Variants in SOX5 observed in about 807,000 individuals in gnomAD.
SOX5 encodes transcription factor SOX-5.
SOX5 carries 9 observed loss-of-function variants against 92.0 expected under a neutral mutation model. That is an observed-to-expected ratio of 0.10 (90% confidence interval 0.06 to 0.17). SOX5 has a LOEUF of 0.17. Among genes scored for constraint, SOX5 ranks in the 10% least tolerant of loss-of-function variants. The pLI is 1.00. For missense variants in SOX5, 642 were observed against 944.5 expected (o/e 0.68, Z 4.20); for synonymous variants, 344 against 336.3 (o/e 1.02, Z -0.25).
At chr12:23,895,746 A>G (rs376434065) in intron 2 of SOX5, 47 bp downstream of exon 2, 5 of 1,325,862 alleles carry the variant, frequency 3.8e-6, no homozygotes, top group Non-Finnish European at 5.4e-6. Context: ...AGAGGAGTAG[A>G]CTGGTCAAAA....
intron 1 of SOX5, among the ~76,000 whole-genome samples, chr12:24,496,624 A>T (rs1947665426): frequency 6.6e-6 from 1 of 152,198 alleles, no homozygotes; most frequent in Non-Finnish European, 1.5e-5. Context: ...TGGCTGGTTA[A>T]AATGTTCAGA....
chr12:24,559,234 G>T (rs1401998171), intron 1 of SOX5, among the ~76,000 whole-genome samples: 2 of 152,100 alleles, frequency 1.3e-5, no homozygotes, highest in African/African-American at 4.8e-5. Flanking sequence ...TTTGACTTCA[G>T]GCCTAGACAA....
At chr12:24,471,374 C>A (rs1480826776) in intron 1 of SOX5, among the ~76,000 whole-genome samples, 1 of 152,144 alleles carries the variant, frequency 6.6e-6, no homozygotes, top group African/African-American at 2.4e-5. Flanking sequence ...CATGTTAACA[C>A]ATGCTATTAG....
At chr12:23,677,468 T>TA (rs2139717192) in intron 6 of SOX5, among the ~76,000 whole-genome samples, 1 of 152,282 alleles carries the variant, frequency 6.6e-6, no homozygotes, top group Non-Finnish European at 1.5e-5. Context: ...CTACCTCAGT[T>TA]ACCAGGACAA....
chr12:24,077,941 T>C (rs1457608171), intron 4 of SOX5, among the ~76,000 whole-genome samples: 1 of 151,222 alleles, frequency 6.6e-6, no homozygotes, highest in Non-Finnish European at 1.5e-5. Context: ...TTTGGAAATA[T>C]TTAAATAATG....
intron 1 of SOX5, among the ~76,000 whole-genome samples, chr12:24,513,659 T>C (rs1949522150): frequency 6.6e-6 from 1 of 152,248 alleles, no homozygotes; most frequent in African/African-American, 2.4e-5. Context: ...ACTTTAATTA[T>C]AGTCTTCAGG....
At chr12:23,801,118 T>C (rs2142152832) in intron 3 of SOX5, among the ~76,000 whole-genome samples, 1 of 152,326 alleles carries the variant, frequency 6.6e-6, no homozygotes, top group African/African-American at 2.4e-5. Flanking sequence ...GTTACTTGTC[T>C]GTCCCTTGGC....
At chr12:23,743,173 A>G (rs1037168069) in intron 4 of SOX5, among the ~76,000 whole-genome samples, 1 of 152,184 alleles carries the variant, frequency 6.6e-6, no homozygotes, top group African/African-American at 2.4e-5. Flanking sequence ...GCAGTTGGAG[A>G]GAAATGAAAC....
chr12:24,017,361 G>A (rs1055187261), intron 4 of SOX5, among the ~76,000 whole-genome samples: 1 of 152,118 alleles, frequency 6.6e-6, no homozygotes, highest in African/African-American at 2.4e-5. Context: ...CACTTTGGGA[G>A]GCTGAAGTAG....
chr12:23,899,123 C>T (rs1282912804), intron 1 of SOX5, among the ~76,000 whole-genome samples: 3 of 152,068 alleles, frequency 2.0e-5, no homozygotes, highest in Non-Finnish European at 2.9e-5. Context: ...TAAGAAGGCA[C>T]CACAGGCCGG....
chr12:23,867,256 C>T (rs1015227467), intron 2 of SOX5, among the ~76,000 whole-genome samples: 5 of 152,082 alleles, frequency 3.3e-5, no homozygotes, highest in Non-Finnish European at 7.4e-5. Context: ...TAAATATCTC[C>T]TATGTCAAAC....
chr12:24,422,644 A>G (rs1037283323), intron 1 of SOX5, among the ~76,000 whole-genome samples: 2 of 152,236 alleles, frequency 1.3e-5, no homozygotes, highest in African/African-American at 4.8e-5. Context: ...ACAGAGATCT[A>G]ATGAAAGTTA....
chr12:24,198,837 G>A (rs1311399386), intron 4 of SOX5, among the ~76,000 whole-genome samples: 1 of 152,144 alleles, frequency 6.6e-6, no homozygotes, highest in Non-Finnish European at 1.5e-5. Flanking sequence ...CAAATGTAGA[G>A]TATTCAGAGG....
At chr12:24,553,494 C>T (rs1328896903) in intron 1 of SOX5, among the ~76,000 whole-genome samples, 7 of 152,190 alleles carry the variant, frequency 4.6e-5, no homozygotes, top group African/African-American at 1.2e-4. Flanking sequence ...AAACTATGCT[C>T]ACTCAGCAAT....
chr12:23,540,361 TATAATA>T (rs5797023), intron 13 of SOX5, among the ~76,000 whole-genome samples: 4,059 of 142,748 alleles, frequency 0.028, 133 homozygotes, highest in African/African-American at 0.081. Context: ...AAACTTAAAG[TATAATA>T]ATAATAATAA....
At chr12:23,833,273 G>C (rs1735143730) in intron 3 of SOX5, among the ~76,000 whole-genome samples, 1 of 151,836 alleles carries the variant, frequency 6.6e-6, no homozygotes, top group Non-Finnish European at 1.5e-5. Flanking sequence ...AGAAGAACTA[G>C]GAAAGGAGAG....
At chr12:24,514,898 G>A (rs1949643132) in intron 1 of SOX5, among the ~76,000 whole-genome samples, 1 of 152,162 alleles carries the variant, frequency 6.6e-6, no homozygotes, top group East Asian at 1.9e-4. Context: ...CCATCAAGGG[G>A]TGGGGAATGG....
intron 4 of SOX5, among the ~76,000 whole-genome samples, chr12:24,157,449 G>C (rs1323148361): frequency 3.3e-5 from 5 of 152,154 alleles, no homozygotes; most frequent in Admixed American, 2.6e-4. Flanking sequence ...AACTTATATA[G>C]TCACAACTTG....
intron 3 of SOX5, among the ~76,000 whole-genome samples, chr12:24,244,706 G>T (rs1158515490): frequency 6.6e-6 from 1 of 152,154 alleles, no homozygotes; most frequent in Non-Finnish European, 1.5e-5. Flanking sequence ...ATTATTATCA[G>T]TAATGTCTTT....
Sources: allele counts gnomAD v4.1 joint callset (sites outside exome capture counted in the v4.1 genomes callset), GRCh38; gene constraint gnomAD v4.1.1; transcripts MANE v1.5; gene names NCBI Gene and HGNC (gene_info 2026-07-23, HGNC 2026-07-21).